The following DUSP15 variants were observed in gnomAD, a reference collection of about 807,000 sequenced individuals.
DUSP15 encodes the protein dual specificity phosphatase 15, also known as dual specificity protein phosphatase 15.
In DUSP15, 23 loss-of-function variants were observed where a neutral mutation model predicts 26.3. The observed-to-expected ratio is 0.87, with a 90% CI of 0.63 to 1.24. The LOEUF (loss-of-function observed/expected upper bound fraction) is 1.24. Ranked by LOEUF, DUSP15 falls within the 50% of genes most tolerant of loss-of-function variation. DUSP15 has a pLI of 0.00. For missense variants in DUSP15, 364 were observed against 320.6 expected (o/e 1.14, Z -1.03); for synonymous variants, 143 against 135.5 (o/e 1.06, Z -0.39).
downstream of DUSP15, among the ~76,000 whole-genome samples, chr20:31,847,035 C>T (rs1277262906): frequency 1.3e-5 from 2 of 152,116 alleles, no homozygotes; most frequent in South Asian, 4.1e-4. Context: ...AACAGTCAGG[C>T]CTTCTGGAGG....
At chr20:31,867,662 T>G in intron 2 of DUSP15, among the ~76,000 whole-genome samples, 1 of 97,476 alleles carries the variant, frequency 1.0e-5, no homozygotes, top group Non-Finnish European at 2.1e-5. Flanking sequence ...TTTTTTTTTT[T>G]GAGACGGAGT....
Position 31,864,839 on chromosome 20 carries a change from C to CA in DUSP15, c.188+113dup. ...CAAACCTGGGACTGGTTGAGTTGAA[C>CA]ACCTGTGATAGCTCTCTGGCCTGAG... On this transcript the variant is annotated intron_variant, in intron 4 of 6. Transcript: ENST00000339738. 4 of 1,124,802 alleles carry CA rather than the reference C, an allele frequency of 3.6e-6. No individual in the cohort carries two copies. In the South Asian group the frequency reaches 5.5e-5, roughly 15 times the overall value. The allele number at this position is 1,124,802 out of a possible 1,614,324, so 69.7% of individuals were successfully genotyped here. A position where few individuals can be genotyped will look rare whatever the true frequency, so the allele number is the denominator to read the frequency against.
chr20:31,854,750 G>A (rs2062533968), intron 6 of DUSP15, among the ~76,000 whole-genome samples: 1 of 152,166 alleles, frequency 6.6e-6, no homozygotes, highest in Admixed American at 6.5e-5. Flanking sequence ...CTTGCTGGGT[G>A]TGTGTGTCTG....
chr20:31,849,940 C>T, intron 7 of DUSP15: 1 of 1,414,306 alleles, frequency 7.1e-7, no homozygotes, highest in South Asian at 1.5e-5. Context: ...CCTTCTTACC[C>T]TCCCCTTCAA....
exon 8 of DUSP15, chr20:31,849,847 G>A (rs1343407744): frequency 2.0e-6 from 3 of 1,520,516 alleles, no homozygotes; most frequent in Middle Eastern, 3.4e-4. Flanking sequence ...GCGCTGCGGA[G>A]AGAAGAGCCA....
intron 8 of DUSP15, chr20:31,849,663 C>A: frequency 6.5e-7 from 1 of 1,528,850 alleles, no homozygotes; most frequent in Non-Finnish European, 8.7e-7. Flanking sequence ...CCACCCAGAG[C>A]TGCACACCGC....
intron 6 of DUSP15, among the ~76,000 whole-genome samples, chr20:31,851,471 A>T (rs1421163238): frequency 6.6e-6 from 1 of 152,076 alleles, no homozygotes; most frequent in African/African-American, 2.4e-5. Context: ...AGGAGGACAA[A>T]GGAATGAATG....
chr20:31,850,732 G>A, intron 6 of DUSP15: 1 of 1,566,022 alleles, frequency 6.4e-7, no homozygotes, highest in Admixed American at 1.8e-5. Context: ...CAGACCCATA[G>A]ATAAGGAGGA....
In DUSP15 at chr20:31,864,952, C is replaced by T. The variant is rs1190477185; in HGVS notation, c.188+1G>A. The T allele has an allele frequency of 6.2e-7, 1 of 1,613,802 alleles. No homozygotes were observed. The highest frequency in any genetic ancestry group is 8.5e-7 in the Non-Finnish European group (1 of 1,179,900). The stretch of plus-strand genomic sequence containing the variant: ...CTATGGGTCCATCCAGGGGAACTTA[C>T]ATGGGTACCTCAGGGGTATCAGCGA... On this transcript the variant is annotated splice_donor_variant, in intron 4 of 6. Transcript: ENST00000339738. LOFTEE classifies it high-confidence loss of function.
chr20:31,855,946 A>G (rs944761215), intron 6 of DUSP15, among the ~76,000 whole-genome samples: 1 of 152,058 alleles, frequency 6.6e-6, no homozygotes, highest in African/African-American at 2.4e-5. Context: ...TTAAAAAAAA[A>G]TTTTTATTTC....
rs185588801 is a variant in DUSP15, at chr20:31,850,562, G to A, written c.491+50C>T. The A allele has an allele frequency of 1.1e-3, 1,790 of 1,571,470 alleles. 1 individual carries two copies. Among genetic ancestry groups the A allele is most frequent in the Non-Finnish European group, 1.4e-3 (1,623 of 1,155,842 alleles). ...GGTGGGCTGGCCCCACCCCGCGGCC[G>A]TCCCCAGTTCAGCACACTGGTCGGA... is the stretch of plus-strand genomic sequence containing the variant. On this transcript the variant is annotated intron_variant, in intron 7 of 9. Coordinates refer to the DUSP15 transcript ENST00000278979.
chr20:31,862,821 A>G, intron 5 of DUSP15, 79 bp from the exon 6 acceptor site: 1 of 1,409,460 alleles, frequency 7.1e-7, no homozygotes, highest in Non-Finnish European at 9.4e-7. Flanking sequence ...CCCTGCTTCA[A>G]CTCCCCCACC....
chr20:31,868,241 T>TG (rs2062816796), intron 2 of DUSP15, among the ~76,000 whole-genome samples: 5 of 152,276 alleles, frequency 3.3e-5, no homozygotes, highest in Middle Eastern at 3.4e-3. Flanking sequence ...GCCTGCACAC[T>TG]TACAGAGGGT....
chr20:31,862,433 T>C (rs1216500797), intron 6 of DUSP15, 138 bp downstream of exon 6: 1 of 1,025,460 alleles, frequency 9.8e-7, no homozygotes, highest in Non-Finnish European at 1.4e-6. Context: ...GTGGATTAGC[T>C]CAAAGGCCAT....
chr20:31,849,931 CT>C (rs1271932477), intron 7 of DUSP15: 1 of 1,420,046 alleles, frequency 7.0e-7, no homozygotes, highest in Non-Finnish European at 9.1e-7. Flanking sequence ...CTCCCCTCGC[CT>C]TCTTACCCTC....
chr20:31,848,528 G>A (rs760695445), exon 10 of DUSP15: 3 of 1,597,536 alleles, frequency 1.9e-6, no homozygotes, highest in South Asian at 1.1e-5. Flanking sequence ...GGCACTTAGA[G>A]TGCAGGACGA....
Position 31,861,276 on chromosome 20 carries a change from G to A in DUSP15, c.*127C>T, listed in dbSNP as rs1405975689. On this transcript the variant is annotated 3_prime_UTR_variant, in exon 7 of 7. Coordinates refer to ENST00000339738, the MANE Select transcript of DUSP15 (RefSeq NM_080611.5). ...AGACGCGGACGAGCAGGGCGGGCGCGGGAGGCAGGGTTCAGGCCGCCGCGG... is the reference window on the plus strand; with the variant it reads ...AGACGCGGACGAGCAGGGCGGGCGCAGGAGGCAGGGTTCAGGCCGCCGCGG... 3.7e-6 allele frequency: 5 copies of A among 1,363,634 alleles called. No homozygotes were observed. Among genetic ancestry groups the A allele is most frequent in the Non-Finnish European group, 4.7e-6 (5 of 1,065,076 alleles). The allele number at this position is 1,363,634 out of a possible 1,614,324, so 84.5% of individuals were successfully genotyped here. A position where few individuals can be genotyped will look rare whatever the true frequency, so the allele number is the denominator to read the frequency against.
At chr20:31,855,668 T>A (rs549401516) in intron 6 of DUSP15, among the ~76,000 whole-genome samples, 1 of 152,316 alleles carries the variant, frequency 6.6e-6, no homozygotes, top group Non-Finnish European at 1.5e-5. Flanking sequence ...CGTATATGCA[T>A]ACGTCTTAAG....
chr20:31,865,054 G>A, intron 3 of DUSP15, 52 bp from the exon 4 acceptor site: 1 of 1,604,188 alleles, frequency 6.2e-7, no homozygotes, highest in Non-Finnish European at 8.5e-7. Context: ...AACCCTCCCT[G>A]ATGCTGGTCC....
Sources: allele counts gnomAD v4.1 joint callset (sites outside exome capture counted in the v4.1 genomes callset), GRCh38; gene constraint gnomAD v4.1.1; transcripts MANE v1.5; gene names NCBI Gene and HGNC (gene_info 2026-07-23, HGNC 2026-07-21).